The following ADAMTS9 variants were observed in gnomAD, a reference collection of about 807,000 sequenced individuals.
The protein encoded by ADAMTS9 is ADAM metallopeptidase with thrombospondin type 1 motif 9, also known as A disintegrin and metalloproteinase with thrombospondin motifs 9.
In ADAMTS9, 107 loss-of-function variants were observed where a neutral mutation model predicts 257.1. The ratio of observed to expected loss-of-function variants is 0.42; its 90% CI spans 0.36 to 0.49. The LOEUF is 0.49. Among genes scored for constraint, ADAMTS9 ranks in the 20% least tolerant of loss-of-function variants. ADAMTS9 has a pLI of 0.03. For synonymous variants in ADAMTS9, 982 were observed against 880.9 expected, an observed-to-expected ratio of 1.11 and a Z score of -2.03; for missense variants, 2,353 against 2,469.1, an observed-to-expected ratio of 0.95 and a Z score of 1.00.
chr3:64,665,269 A>C (rs1405247346), intron 3 of ADAMTS9, among the ~76,000 whole-genome samples: 1 of 152,204 alleles, frequency 6.6e-6, no homozygotes, highest in Non-Finnish European at 1.5e-5. Context: ...ACAAAAGGGA[A>C]GTAGTCACGC....
intron 28 of ADAMTS9, among the ~76,000 whole-genome samples, chr3:64,580,198 C>CTT (rs2083960925): frequency 1.3e-5 from 2 of 152,154 alleles, no homozygotes; most frequent in African/African-American, 4.8e-5. Context: ...TATTTTCTTT[C>CTT]TTTTGGCTGG....
chr3:64,683,725 T>C (rs538827514), intron 2 of ADAMTS9, among the ~76,000 whole-genome samples: 1 of 152,310 alleles, frequency 6.6e-6, no homozygotes, highest in South Asian at 2.1e-4. Flanking sequence ...TTGGTTAAGG[T>C]GACTATTTAT....
chr3:64,522,565 T>C lies in ADAMTS9; in HGVS notation c.5719-305A>G, dbSNP rs140812534. 366 of 227,354 alleles carry C rather than the reference T, an allele frequency of 1.6e-3. 1 individual carries two copies. The highest frequency in any genetic ancestry group is 7.2e-3 in the African/African-American group (314 of 43,898). The allele number at this position is 227,354 out of a possible 1,614,324, so 14.1% of individuals were successfully genotyped here. On this transcript the variant is annotated intron_variant, in intron 38 of 39. Coordinates refer to ENST00000498707, the MANE Select transcript of ADAMTS9 (RefSeq NM_182920.2). ...ACATAAAATCATATGAAATTCAAAT[T>C]TCAGTGTCTATTAATAAAGTTTTAT...
intron 19 of ADAMTS9, among the ~76,000 whole-genome samples, chr3:64,618,796 T>G (rs886504092): frequency 6.6e-6 from 1 of 152,148 alleles, no homozygotes; most frequent in African/African-American, 2.4e-5. Flanking sequence ...CGTAAACCAA[T>G]GAGCGGAAAT....
At chr3:64,675,624 A>G (rs1281794641) in intron 3 of ADAMTS9, among the ~76,000 whole-genome samples, 1 of 152,060 alleles carries the variant, frequency 6.6e-6, no homozygotes, top group East Asian at 1.9e-4. Flanking sequence ...GTCTCAAAAA[A>G]CCAAATAAAC....
chr3:64,557,277 C>A (rs931725127), intron 30 of ADAMTS9, among the ~76,000 whole-genome samples: 2 of 152,126 alleles, frequency 1.3e-5, no homozygotes, highest in African/African-American at 2.4e-5. Context: ...GAGATCTATT[C>A]CTCAATGCTG....
At chr3:64,558,581 G>T (rs1263350318) in intron 30 of ADAMTS9, among the ~76,000 whole-genome samples, 1 of 152,172 alleles carries the variant, frequency 6.6e-6, no homozygotes, top group East Asian at 1.9e-4. Flanking sequence ...TGATGACCAT[G>T]GCCATGGTGA....
chr3:64,595,505 A>T (rs993085211), intron 27 of ADAMTS9, among the ~76,000 whole-genome samples: 10 of 152,116 alleles, frequency 6.6e-5, no homozygotes, highest in Admixed American at 5.9e-4. Flanking sequence ...AAGTTCGTGT[A>T]CTCTCCTGGC....
intron 28 of ADAMTS9, among the ~76,000 whole-genome samples, chr3:64,585,882 T>C (rs1318650369): frequency 6.6e-6 from 1 of 152,162 alleles, no homozygotes; most frequent in African/African-American, 2.4e-5. Flanking sequence ...TTTCTTTGCT[T>C]ATCCCCTAAG....
chr3:64,639,507 A>C (rs1337658745), intron 12 of ADAMTS9, among the ~76,000 whole-genome samples: 1 of 151,944 alleles, frequency 6.6e-6, no homozygotes, highest in Non-Finnish European at 1.5e-5. Flanking sequence ...GGAGTGATTT[A>C]TCTCTCTCCA....
rs759774022 is a variant in ADAMTS9, at chr3:64,633,720, G to A, written c.2016C>T (p.Arg672=). 11 of 1,613,630 alleles carry A rather than the reference G, an allele frequency of 6.8e-6. No individual in the cohort carries two copies. In the African/African-American group the frequency reaches 1.3e-4, roughly 20 times the overall value. Residue 672 remains arginine (R), a synonymous_variant, in exon 13 of 40, where the codon CGC becomes CGT. Transcript: ENST00000498707. ...FNINGLLPNV[R]WVPKYSGILM... ...TACTTCCACTGTATTTAGGGACCCA[G>A]CGCACATTGGGAAGCAGACCGTTGA...
chr3:64,649,670 A>T lies in ADAMTS9; in HGVS notation c.1572T>A (p.Ile524=). Residue 524 remains isoleucine, a synonymous_variant, in exon 10 of 40, where the codon ATT becomes ATA. Transcript: ENST00000498707. ...LYNVNKQCEL[I]FGPGSQVCPY... is the part of the protein sequence containing the mutation. ...GGCACACCTGAGAACCTGGTCCAAA[A>T]ATCAATTCACATTGTTTATTCACGT... 1 of 1,613,934 alleles carries T rather than the reference A, an allele frequency of 6.2e-7. No individual in the cohort carries two copies. Among genetic ancestry groups the T allele is most frequent in the Non-Finnish European group, 8.5e-7 (1 of 1,179,916 alleles).
Position 64,686,608 on chromosome 3 carries a change from T to A in ADAMTS9, c.476A>T (p.Asn159Ile). Residue 159 changes from asparagine to isoleucine, a missense_variant, in exon 2 of 40, where the codon AAC becomes ATC. By Grantham distance (149) the Asn-to-Ile change is moderately radical. Transcript: ENST00000498707. This position sits in a 1 kb window ranked among gnomAD's most constrained non-coding sequence, Gnocchi z 4.6. ...GCTGATGACGGCCGTGTGCTCGGAG[T>A]TGGTATTGACATAGCCTTTGTAGAA... ...HCFYKGYVNT[N>I]SEHTAVISLC... 6.2e-7 allele frequency: 1 copy of A among 1,613,436 alleles called. No homozygotes were observed. The highest frequency in any genetic ancestry group is 8.5e-7 in the Non-Finnish European group (1 of 1,179,842).
chr3:64,615,901 G>A, intron 20 of ADAMTS9, 59 bp downstream of exon 20: 1 of 1,595,334 alleles, frequency 6.3e-7, no homozygotes. Flanking sequence ...CCTGCAAGGA[G>A]CCACCATCAA....
intron 2 of ADAMTS9, among the ~76,000 whole-genome samples, chr3:64,685,753 C>T (rs555965195): frequency 6.6e-6 from 1 of 152,300 alleles, no homozygotes; most frequent in East Asian, 1.9e-4. Context: ...CGCAGGCTCC[C>T]TCTCTCCACT....
At chr3:64,530,556 C>G (rs2082967449) in intron 38 of ADAMTS9, among the ~76,000 whole-genome samples, 1 of 149,512 alleles carries the variant, frequency 6.7e-6, no homozygotes, top group Non-Finnish European at 1.5e-5. Flanking sequence ...AAAATGCCGA[C>G]AGGCAATTGT....
chr3:64,594,066 T>G (rs1286959310), intron 28 of ADAMTS9, among the ~76,000 whole-genome samples, 192 bp downstream of exon 28: 1 of 151,732 alleles, frequency 6.6e-6, no homozygotes. Flanking sequence ...CACTTATTCT[T>G]TAAAGTCACT....
intron 26 of ADAMTS9, 113 bp downstream of exon 26, chr3:64,601,831 A>T: frequency 7.7e-7 from 1 of 1,293,782 alleles, no homozygotes. Context: ...GAAAATGCAC[A>T]ATGTCAATCC....
At chr3:64,647,486 C>G (rs1043262798) in intron 11 of ADAMTS9, among the ~76,000 whole-genome samples, 1 of 152,202 alleles carries the variant, frequency 6.6e-6, no homozygotes, top group Non-Finnish European at 1.5e-5. Context: ...GGGAACAACA[C>G]CGGTTGGCAA....
Sources: gnomAD v4.1 joint callset for allele counts (sites outside exome capture counted in the v4.1 genomes callset) on GRCh38, gnomAD v4.1.1 for gene constraint, Gnocchi (gnomAD v3.1) non-coding constraint, MANE v1.5 for transcripts, NCBI Gene and HGNC (gene_info 2026-07-23, HGNC 2026-07-21) for gene names.